The following PDE10A variants were observed in gnomAD, a reference collection of about 807,000 sequenced individuals.
The protein encoded by PDE10A is cAMP and cAMP-inhibited cGMP 3',5'-cyclic phosphodiesterase 10A.
Under a neutral mutation model 97.7 loss-of-function variants are expected in PDE10A, and 39 were observed. The observed-to-expected ratio is 0.40, with a 90% CI of 0.31 to 0.52. The LOEUF (loss-of-function observed/expected upper bound fraction) is 0.52, where lower values mean the gene tolerates loss of function less well. PDE10A is among the 20% of genes least tolerant of loss of function. The pLI, the probability that PDE10A is intolerant of heterozygous loss-of-function variation, is 0.56. For missense variants in PDE10A, 731 were observed against 1,047.8 expected, an observed-to-expected ratio of 0.70 and a Z score of 4.17; for synonymous variants, 371 against 376.8, an observed-to-expected ratio of 0.98 and a Z score of 0.18.
At chr6:165,955,076 G>A (rs1037344873) in intron 1 of PDE10A, among the ~76,000 whole-genome samples, 3 of 152,070 alleles carry the variant, frequency 2.0e-5, no homozygotes, top group African/African-American at 4.8e-5. Flanking sequence ...CGCCGTTTCC[G>A]TGACAGCTCC....
intron 1 of PDE10A, among the ~76,000 whole-genome samples, chr6:165,612,663 C>T (rs1293359224): frequency 2.0e-5 from 3 of 152,140 alleles, no homozygotes; most frequent in Non-Finnish European, 4.4e-5. Context: ...GCCACTGCGC[C>T]CAGCCATATT....
At chr6:165,417,613 T>C (rs557873224) in intron 11 of PDE10A, among the ~76,000 whole-genome samples, 2 of 150,256 alleles carry the variant, frequency 1.3e-5, no homozygotes, top group East Asian at 1.9e-4. Flanking sequence ...CCAGATGCTA[T>C]ACTGAGGTCT....
intron 1 of PDE10A, among the ~76,000 whole-genome samples, chr6:165,967,328 C>G (rs1784540596): frequency 6.6e-6 from 1 of 152,162 alleles, no homozygotes; most frequent in Non-Finnish European, 1.5e-5. Flanking sequence ...GAAACCCCAC[C>G]TCTACTAAAA....
intron 1 of PDE10A, among the ~76,000 whole-genome samples, chr6:165,714,284 G>A (rs1791973521): frequency 6.6e-6 from 1 of 152,216 alleles, no homozygotes; most frequent in Non-Finnish European, 1.5e-5. Flanking sequence ...CAGAGGGGGT[G>A]GCGTGCCGTA....
chr6:165,592,502 G>C (rs1786338520), intron 1 of PDE10A, among the ~76,000 whole-genome samples: 1 of 152,170 alleles, frequency 6.6e-6, no homozygotes, highest in African/African-American at 2.4e-5. Flanking sequence ...ACTATCATCG[G>C]AGTTAAGAGG....
chr6:165,666,929 A>T (rs1410454609), upstream of PDE10A, among the ~76,000 whole-genome samples: 1 of 152,202 alleles, frequency 6.6e-6, no homozygotes, highest in Non-Finnish European at 1.5e-5. Context: ...CACAATAGGC[A>T]CTCAATAATT....
chr6:165,430,405 T>G, intron 8 of PDE10A, 60 bp from the exon 9 acceptor site: 1 of 1,065,060 alleles, frequency 9.4e-7, no homozygotes. Flanking sequence ...AAAATAAAAC[T>G]TCCAGAATAC....
intron 1 of PDE10A, among the ~76,000 whole-genome samples, chr6:165,835,583 G>A (rs1266498768): frequency 6.6e-6 from 1 of 152,202 alleles, no homozygotes; most frequent in African/African-American, 2.4e-5. Context: ...TGTAGGATTG[G>A]GGCTGATGTC....
Position 165,493,971 on chromosome 6 carries a change from G to GA in PDE10A, c.995-11629dup, listed in dbSNP as rs913675238. Among the ~76,000 whole-genome samples, 945 of 138,244 alleles carry GA rather than the reference G, an allele frequency of 6.8e-3. 11 individuals are homozygous for GA. Among genetic ancestry groups the GA allele is most frequent in the African/African-American group, 0.021 (786 of 37,792 alleles). The allele number at this position is 138,244 out of a possible 152,430, so 90.7% of individuals were successfully genotyped here. On this transcript the variant is annotated intron_variant, in intron 2 of 21. Coordinates refer to ENST00000539869, the MANE Select transcript of PDE10A (RefSeq NM_001385079.1). ...ATCTACAGGGAACTCAAATAAGCAA[G>GA]AAAAAAAAAAACAATCCCATCAGTA...
intron 3 of PDE10A, among the ~76,000 whole-genome samples, chr6:165,456,404 A>G (rs1052648885): frequency 6.6e-6 from 1 of 152,210 alleles, no homozygotes; most frequent in African/African-American, 2.4e-5. Flanking sequence ...GGGAGTTTTC[A>G]GTCATTCAGG....
intron 1 of PDE10A, among the ~76,000 whole-genome samples, chr6:165,672,595 T>C (rs58593658): frequency 0.22 from 33,279 of 152,092 alleles, 3,929 homozygotes; most frequent in East Asian, 0.37. Context: ...AATTGAATCA[T>C]GAAGGCAGTT....
intron 21 of PDE10A, 111 bp downstream of exon 21, chr6:165,336,012 G>A (rs1343107097): frequency 4.6e-6 from 4 of 865,562 alleles, no homozygotes; most frequent in Middle Eastern, 2.1e-4. Context: ...ACAACAACTC[G>A]ACATCTAGAC....
chr6:165,892,916 C>T (rs192256213), intron 1 of PDE10A, among the ~76,000 whole-genome samples: 1,713 of 152,268 alleles, frequency 0.011, 15 homozygotes, highest in Non-Finnish European at 0.018. Flanking sequence ...TCCCTCAGCT[C>T]CTACTCGCTC....
Position 165,662,126 on chromosome 6 carries a change from C to G in PDE10A, c.686G>C (p.Gly229Ala), listed in dbSNP as rs1430249345. The G allele has an allele frequency of 1.1e-6, 1 of 934,794 alleles. No homozygotes were observed. The highest frequency in any genetic ancestry group is 1.8e-5 in the African/African-American group (1 of 55,612). 57.9% of individuals were successfully genotyped at this position (934,794 alleles called of 1,614,324 possible). The change falls in exon 1 of 22, where the codon GGC becomes GCC. Residue 229 changes from glycine (G) to alanine (A), a missense_variant. By Grantham distance (60) the Gly-to-Ala change is moderately conservative. Coordinates refer to ENST00000539869, the MANE Select transcript of PDE10A (RefSeq NM_001385079.1). ...LPLGQAARRAGSPGFPGAGPG... is the reference protein window; with the variant it reads ...LPLGQAARRAASPGFPGAGPG... ...GCCGGCGCCGGGGAAGCCGGGGGAG[C>G]CCGCGCGGCGGGCGGCCTGGCCAAG...
In PDE10A at chr6:165,343,327, G is replaced by A. The variant is rs1782094069; in HGVS notation, c.2895+64C>T. 2.8e-6 allele frequency: 3 copies of A among 1,090,374 alleles called. No homozygotes were observed. In the African/African-American group the frequency reaches 4.6e-5, roughly 17 times the overall value. 67.5% of individuals were successfully genotyped at this position (1,090,374 alleles called of 1,614,324 possible). ...AACATGAACAACTAAAGTATTCTTAGCAATTGATCCATACGTTTTATTTCT... is the reference window on the plus strand; with the variant it reads ...AACATGAACAACTAAAGTATTCTTAACAATTGATCCATACGTTTTATTTCT... On this transcript the variant is annotated intron_variant, in intron 19 of 21. Coordinates refer to ENST00000539869, the MANE Select transcript of PDE10A (RefSeq NM_001385079.1).
At chr6:165,689,225 A>G (rs760072869) in intron 1 of PDE10A, among the ~76,000 whole-genome samples, 1 of 152,210 alleles carries the variant, frequency 6.6e-6, no homozygotes, top group Non-Finnish European at 1.5e-5. Context: ...GTTCAGCTTC[A>G]GTATCTTTAA....
chr6:165,847,142 C>T (rs992134697), intron 1 of PDE10A, among the ~76,000 whole-genome samples: 1 of 152,192 alleles, frequency 6.6e-6, no homozygotes, highest in African/African-American at 2.4e-5. Context: ...CTAATCACAG[C>T]AGATAGAGCC....
At chr6:165,804,820 G>T (rs1432618868) in intron 1 of PDE10A, among the ~76,000 whole-genome samples, 1 of 151,946 alleles carries the variant, frequency 6.6e-6, no homozygotes, top group East Asian at 2.0e-4. Flanking sequence ...GAGACTGACA[G>T]GCGTGGGCGG....
chr6:165,357,150 T>C (rs1376512087), intron 18 of PDE10A, among the ~76,000 whole-genome samples: 1 of 152,210 alleles, frequency 6.6e-6, no homozygotes, highest in Non-Finnish European at 1.5e-5. Context: ...TCATATGATG[T>C]CTCTTCTTCA....
Sources: gnomAD v4.1 joint callset for allele counts (sites outside exome capture counted in the v4.1 genomes callset) on GRCh38, gnomAD v4.1.1 for gene constraint, MANE v1.5 for transcripts, NCBI Gene and HGNC (gene_info 2026-07-23, HGNC 2026-07-21) for gene names.